The following GLIS3 variants were observed in gnomAD, a reference collection of about 807,000 sequenced individuals.
GLIS3 encodes the protein zinc finger protein GLIS3.
GLIS3 carries 53 observed loss-of-function variants against 78.6 expected under a neutral mutation model. That is an observed-to-expected ratio of 0.67 (90% CI 0.54 to 0.85). GLIS3 has a LOEUF of 0.85. Ranked by LOEUF, GLIS3 falls within the 40% of genes least tolerant of loss-of-function variation. GLIS3 has a pLI of 0.00. For synonymous variants in GLIS3, 684 were observed against 509.9 expected (o/e 1.34, Z -4.60); for missense variants, 1,703 against 1,231.1 (o/e 1.38, Z -5.74).
intron 4 of GLIS3, among the ~76,000 whole-genome samples, chr9:3,954,036 G>T (rs1304651569): frequency 6.6e-6 from 1 of 151,996 alleles, no homozygotes; most frequent in Non-Finnish European, 1.5e-5. Flanking sequence ...TTTGTTGGAA[G>T]GAAATGTAAA....
At chr9:4,476,760 T>C in the GLIS3 span, among the ~76,000 whole-genome samples, 2 of 152,024 alleles carry the variant, frequency 1.3e-5, no homozygotes, top group African/African-American at 4.8e-5. Context: ...ATTAATGTTT[T>C]TAAGAACCAA....
intron 2 of GLIS3, among the ~76,000 whole-genome samples, chr9:4,210,624 G>C (rs565610571): frequency 6.6e-6 from 1 of 152,116 alleles, no homozygotes; most frequent in Non-Finnish European, 1.5e-5. Context: ...GAAAACTTAA[G>C]TCTTCAGTTT....
intron 8 of GLIS3, among the ~76,000 whole-genome samples, chr9:3,864,951 A>C (rs1395041670): frequency 6.6e-6 from 1 of 152,120 alleles, no homozygotes; most frequent in East Asian, 1.9e-4. Flanking sequence ...GGTTCCACAG[A>C]CCTGGTTCTC....
intron 4 of GLIS3, among the ~76,000 whole-genome samples, chr9:4,009,481 C>T (rs1821823360): frequency 6.6e-6 from 1 of 152,176 alleles, no homozygotes; most frequent in South Asian, 2.1e-4. Flanking sequence ...CTGCAGCCCT[C>T]CACATAACTT....
chr9:4,243,888 G>A (rs1476871452), intron 2 of GLIS3, among the ~76,000 whole-genome samples: 2 of 152,192 alleles, frequency 1.3e-5, no homozygotes, highest in Admixed American at 6.5e-5. Flanking sequence ...TTCATGAGGT[G>A]GAGCTTAGAA....
intron 8 of GLIS3, among the ~76,000 whole-genome samples, chr9:3,863,769 G>A (rs1397651371): frequency 2.0e-5 from 3 of 152,216 alleles, no homozygotes; most frequent in African/African-American, 7.2e-5. Flanking sequence ...CCTCTTGGGT[G>A]TAGGGAGCGA....
chr9:4,080,159 A>G (rs1828432796), intron 4 of GLIS3, among the ~76,000 whole-genome samples: 1 of 152,216 alleles, frequency 6.6e-6, no homozygotes, highest in Non-Finnish European at 1.5e-5. Context: ...TGTGGTTCCT[A>G]TACTATCCTT....
chr9:4,453,200 A>T, the GLIS3 span, among the ~76,000 whole-genome samples: 1 of 152,172 alleles, frequency 6.6e-6, no homozygotes, highest in Non-Finnish European at 1.5e-5. Context: ...ACCTAAAACC[A>T]TAAAAACTCT....
chr9:3,963,081 G>T (rs1291700274), intron 4 of GLIS3, among the ~76,000 whole-genome samples: 1 of 152,072 alleles, frequency 6.6e-6, no homozygotes, highest in Non-Finnish European at 1.5e-5. Flanking sequence ...ATAAAGGCAA[G>T]TATAATTACA....
At chr9:4,162,065 C>G (rs1835521978) in intron 2 of GLIS3, among the ~76,000 whole-genome samples, 1 of 152,066 alleles carries the variant, frequency 6.6e-6, no homozygotes, top group Non-Finnish European at 1.5e-5. Flanking sequence ...CTTCCTTGCC[C>G]CTTCCCAGCT....
chr9:4,052,074 A>G (rs1202074722), intron 4 of GLIS3, among the ~76,000 whole-genome samples: 1 of 152,232 alleles, frequency 6.6e-6, no homozygotes, highest in African/African-American at 2.4e-5. Flanking sequence ...AAAAGAATCA[A>G]TGGAGAGATG....
intron 2 of GLIS3, among the ~76,000 whole-genome samples, chr9:4,338,752 T>C (rs1038296322): frequency 2.0e-5 from 3 of 152,048 alleles, no homozygotes; most frequent in East Asian, 3.9e-4. Context: ...AAGTAGAAAG[T>C]AGAGGAACCA....
chr9:3,968,847 A>C (rs1275639814), intron 4 of GLIS3, among the ~76,000 whole-genome samples: 1 of 152,224 alleles, frequency 6.6e-6, no homozygotes. Flanking sequence ...CATTTGGTAC[A>C]TTTAGGGAGT....
chr9:4,227,808 G>T (rs1224028469), intron 2 of GLIS3, among the ~76,000 whole-genome samples: 1 of 152,196 alleles, frequency 6.6e-6, no homozygotes, highest in Non-Finnish European at 1.5e-5. Flanking sequence ...AAGCAATTCT[G>T]ATTCAATTAA....
chr9:4,276,518 GAA>G, intron 2 of GLIS3, among the ~76,000 whole-genome samples: 1 of 52,486 alleles, frequency 1.9e-5, no homozygotes, highest in Non-Finnish European at 3.6e-5. Context: ...GGAGGGAAGG[GAA>G]GGGAAGGGAA....
In GLIS3 at chr9:3,977,155, C is replaced by T. The variant is rs753796879; in HGVS notation, c.1711-39966G>A. On this transcript the variant is annotated intron_variant, in intron 4 of 10. Coordinates refer to ENST00000381971, the MANE Select transcript of GLIS3 (RefSeq NM_001042413.2). The surrounding 1 kb of genome is among the most constrained non-coding windows in gnomAD (Gnocchi z 4.1). Reference sequence around the variant, plus strand: ...TAGGATCTGCAGAATTCACACCACTCGATACCGAATGCTTACAACTCCCAA... The same window carrying T: ...TAGGATCTGCAGAATTCACACCACTTGATACCGAATGCTTACAACTCCCAA... Among the ~76,000 whole-genome samples, 31 of 152,146 alleles carry T rather than the reference C, an allele frequency of 2.0e-4. No homozygotes were observed. The highest frequency in any genetic ancestry group is 2.6e-4 in the Admixed American group (4 of 15,248).
chr9:4,347,687 T>G (rs945648045), intron 1 of GLIS3, among the ~76,000 whole-genome samples: 1 of 152,224 alleles, frequency 6.6e-6, no homozygotes, highest in African/African-American at 2.4e-5. Flanking sequence ...GTAATAAACC[T>G]CACATGGTAG....
chr9:3,997,073 C>A (rs1049516311), intron 4 of GLIS3, among the ~76,000 whole-genome samples: 1 of 152,136 alleles, frequency 6.6e-6, no homozygotes, highest in Non-Finnish European at 1.5e-5. Flanking sequence ...TGCGGCCGGG[C>A]GCGGTGGCTC....
At chr9:4,215,812 G>A (rs1406158503) in intron 2 of GLIS3, among the ~76,000 whole-genome samples, 1 of 152,130 alleles carries the variant, frequency 6.6e-6, no homozygotes, top group African/African-American at 2.4e-5. Flanking sequence ...TCAACAGTAT[G>A]ACAATACTTG....
Sources: gnomAD v4.1 joint callset for allele counts (sites outside exome capture counted in the v4.1 genomes callset) on GRCh38, gnomAD v4.1.1 for gene constraint, Gnocchi (gnomAD v3.1) non-coding constraint, MANE v1.5 for transcripts, NCBI Gene and HGNC (gene_info 2026-07-23, HGNC 2026-07-21) for gene names.